The following CRTC1 variants were observed in gnomAD, a reference collection of about 807,000 sequenced individuals.
CRTC1 encodes the protein CREB-regulated transcription coactivator 1.
A neutral mutation model predicts 66.1 loss-of-function variants in CRTC1; 18 were observed. That is an observed-to-expected ratio of 0.27 (90% CI 0.19 to 0.40). The LOEUF (loss-of-function observed/expected upper bound fraction) is 0.40. Among genes scored for constraint, CRTC1 ranks in the 10% least tolerant of loss-of-function variants. The probability of loss-of-function intolerance (pLI) is 1.00; values close to 1 mark genes in which losing one functional copy is unlikely to be tolerated. For synonymous variants in CRTC1, 416 were observed against 398.8 expected (o/e 1.04, Z -0.51); for missense variants, 669 against 887.9 (o/e 0.75, Z 3.13).
rs766375255 is a variant in CRTC1 at position 18,768,173 on chromosome 19, G to T, written c.1012-312G>T. 2.2e-4 allele frequency among the ~76,000 whole-genome samples: 34 copies of T among 152,198 alleles called. No homozygotes were observed. Among genetic ancestry groups the T allele is most frequent in the Admixed American group, 6.5e-4 (10 of 15,288 alleles). ...GCTGGCTGCTCACTGAGCCACCAGG[G>T]ATGGCCATCCTGGGCTTGCCCTGCA... On this transcript the variant is annotated intron_variant, in intron 9 of 13. Transcript: ENST00000321949. The surrounding 1 kb of genome is among the most constrained non-coding windows in gnomAD (Gnocchi z 5.6).
In CRTC1 at chr19:18,768,651, C is replaced by G. The variant is rs1040662276; in HGVS notation, c.1178C>G (p.Pro393Arg). 9 of 1,536,744 alleles carry G rather than the reference C, an allele frequency of 5.9e-6. No individual in the cohort carries two copies. The highest frequency in any genetic ancestry group is 1.4e-5 in the African/African-American group (1 of 72,512). Residue 393 changes from proline (P) to arginine (R), a missense_variant, in exon 10 of 14, where the codon CCC becomes CGC. By Grantham distance (103) the Pro-to-Arg change is moderately radical. Coordinates refer to ENST00000321949, the MANE Select transcript of CRTC1 (RefSeq NM_015321.3). The surrounding 1 kb of genome is among the most constrained non-coding windows in gnomAD (Gnocchi z 5.6). The stretch of plus-strand genomic sequence containing the variant: ...CCCCCACAGGCGCCCGTCCGCCTGC[C>G]CCCTGGTGGCCCCCTGTTGCCCAGC... ...PPPPQAPVRL[P>R]PGGPLLPSAS... is the part of the protein sequence containing the mutation.
At chr19:18,709,891 CGGT>C (rs749836985) in intron 1 of CRTC1, among the ~76,000 whole-genome samples, 1 of 152,194 alleles carries the variant, frequency 6.6e-6, no homozygotes, top group Non-Finnish European at 1.5e-5. Context: ...CCTCCAGCAG[CGGT>C]GACTTTGCCA....
At position 18,771,435 on chromosome 19, in the gene CRTC1, A is replaced by G. The variant is rs1039696133; in HGVS notation, c.1321-7A>G. 49 of 1,610,320 alleles carry G rather than the reference A, an allele frequency of 3.0e-5. No homozygotes were observed. Among genetic ancestry groups the G allele is most frequent in the Non-Finnish European group, 4.1e-5 (48 of 1,178,332 alleles). On this transcript the variant is annotated splice_region_variant and splice_polypyrimidine_tract_variant and intron_variant, in intron 10 of 13. Coordinates refer to ENST00000321949, the MANE Select transcript of CRTC1 (RefSeq NM_015321.3). The surrounding 1 kb of genome is among the most constrained non-coding windows in gnomAD (Gnocchi z 4.6). ...GCTGCGGCGTGCTGATCTGTCTGTC[A>G]TCGCAGGCGCCGGCTCTGCAGCAGT... is the stretch of plus-strand genomic sequence containing the variant.
intron 1 of CRTC1, among the ~76,000 whole-genome samples, chr19:18,696,255 C>T (rs538686421): frequency 2.0e-5 from 3 of 152,208 alleles, no homozygotes; most frequent in African/African-American, 7.2e-5. Flanking sequence ...CAGGGTGAGG[C>T]AGGGCGGTTC....
chr19:18,755,336 T>C (rs371823060), intron 6 of CRTC1, among the ~76,000 whole-genome samples: 1 of 152,320 alleles, frequency 6.6e-6, no homozygotes, highest in East Asian at 1.9e-4. Flanking sequence ...CCTAGCTCAC[T>C]GCAGCCTTGG....
intron 13 of CRTC1, among the ~76,000 whole-genome samples, chr19:18,776,264 G>A (rs992492351): frequency 5.9e-5 from 9 of 152,338 alleles, no homozygotes; most frequent in Middle Eastern, 3.4e-3. Context: ...GTGATGCACC[G>A]TGACAACCAC....
chr19:18,694,539 C>T (rs1174846337), intron 1 of CRTC1, among the ~76,000 whole-genome samples: 2 of 152,074 alleles, frequency 1.3e-5, no homozygotes, highest in East Asian at 1.9e-4. Context: ...CTCTAGCGAT[C>T]CTCCCACCTC....
chr19:18,713,707 G>C (rs2053442954), intron 1 of CRTC1, among the ~76,000 whole-genome samples: 1 of 152,226 alleles, frequency 6.6e-6, no homozygotes, highest in Admixed American at 6.5e-5. Flanking sequence ...TCCTGCCCAG[G>C]TCCATTTGGA....
At position 18,777,181 on chromosome 19, in the gene CRTC1, G is replaced by A. The variant is rs1475910488; in HGVS notation, c.1704G>A (p.Glu568=). Residue 568 remains glutamate (E), a synonymous_variant, in exon 14 of 14, where the codon GAG becomes GAA. Coordinates refer to ENST00000321949, the MANE Select transcript of CRTC1 (RefSeq NM_015321.3). This position sits in a 1 kb window ranked among gnomAD's most constrained non-coding sequence, Gnocchi z 5.5. ...IPNIILTVTG[E]SPPSLSKELT... is the part of the protein sequence containing the mutation. ...CACCCCATCCCCCAGTGACAGGAGA[G>A]TCCCCCCCCAGCCTCTCTAAAGAAC... 6.3e-7 allele frequency: 1 copy of A among 1,583,920 alleles called. No homozygotes were observed. The highest frequency in any genetic ancestry group is 1.7e-5 in the Admixed American group (1 of 59,256).
chr19:18,697,236 TC>T (rs1415864607), intron 1 of CRTC1, among the ~76,000 whole-genome samples: 2 of 152,148 alleles, frequency 1.3e-5, no homozygotes, highest in Admixed American at 1.3e-4. Context: ...ACGGAGGGAT[TC>T]AGAAGCACTT....
chr19:18,725,051 TG>T (rs1199609009), intron 1 of CRTC1, among the ~76,000 whole-genome samples: 3 of 152,024 alleles, frequency 2.0e-5, no homozygotes, highest in African/African-American at 7.2e-5. Context: ...CGCCTGGAGC[TG>T]GGGGGTGTCC....
intron 1 of CRTC1, among the ~76,000 whole-genome samples, chr19:18,732,814 G>A (rs928561274): frequency 6.6e-6 from 1 of 152,096 alleles, no homozygotes; most frequent in African/African-American, 2.4e-5. Context: ...CAGGAGGCCG[G>A]GTGTGGTGGC....
At chr19:18,747,483 A>G (rs1600926320) in intron 4 of CRTC1, among the ~76,000 whole-genome samples, 3 of 152,266 alleles carry the variant, frequency 2.0e-5, no homozygotes, top group South Asian at 4.1e-4. Flanking sequence ...CTAAAAATAC[A>G]AAAATTTGCC....
At chr19:18,722,211 G>A (rs1456674568) in intron 1 of CRTC1, among the ~76,000 whole-genome samples, 2 of 152,218 alleles carry the variant, frequency 1.3e-5, no homozygotes, top group Non-Finnish European at 2.9e-5. Context: ...AACATGCCAA[G>A]CAGTTATCAA....
intron 1 of CRTC1, among the ~76,000 whole-genome samples, chr19:18,727,867 G>A (rs906968122): frequency 2.6e-5 from 4 of 151,562 alleles, no homozygotes; most frequent in African/African-American, 7.3e-5. Flanking sequence ...GATTACAGGC[G>A]CCCATCACCA....
chr19:18,754,117 AAG>A (rs1259781944), intron 6 of CRTC1, among the ~76,000 whole-genome samples: 46 of 152,048 alleles, frequency 3.0e-4, no homozygotes, highest in African/African-American at 9.9e-4. Flanking sequence ...AAAAAAAAAA[AAG>A]AATTAAAACC....
At chr19:18,774,201 C>A (rs764543213) in intron 11 of CRTC1, among the ~76,000 whole-genome samples, 1 of 152,198 alleles carries the variant, frequency 6.6e-6, no homozygotes, top group Non-Finnish European at 1.5e-5. Context: ...CAGACCTCAT[C>A]CCACCATCTC....
intron 1 of CRTC1, among the ~76,000 whole-genome samples, chr19:18,725,627 C>T (rs572459239): frequency 1.3e-5 from 2 of 152,256 alleles, no homozygotes; most frequent in South Asian, 2.1e-4. Context: ...ACTTGCATCC[C>T]TGGGGAGGCC....
At chr19:18,738,997 G>A (rs1381918877) in intron 1 of CRTC1, among the ~76,000 whole-genome samples, 1 of 152,166 alleles carries the variant, frequency 6.6e-6, no homozygotes, top group Non-Finnish European at 1.5e-5. Flanking sequence ...TGGGGAGGCT[G>A]GAGGCAAAGC....
Sources: allele counts gnomAD v4.1 joint callset (sites outside exome capture counted in the v4.1 genomes callset), GRCh38; gene constraint gnomAD v4.1.1; non-coding constraint Gnocchi (gnomAD v3.1); transcripts MANE v1.5; gene names NCBI Gene and HGNC (gene_info 2026-07-23, HGNC 2026-07-21).